PHTF2: variants seen among roughly 807,000 people sequenced by gnomAD.
PHTF2 encodes putative homeodomain transcription factor 2.
In PHTF2, 60 loss-of-function variants were observed where a neutral mutation model predicts 101.2. The ratio of observed to expected loss-of-function variants is 0.59; its 90% confidence interval spans 0.48 to 0.73. PHTF2 has a LOEUF of 0.73. Among genes scored for constraint, PHTF2 ranks in the 30% least tolerant of loss-of-function variants. PHTF2 has a pLI of 0.00. For missense variants in PHTF2, 747 were observed against 908.7 expected (o/e 0.82, Z 2.29); for synonymous variants, 311 against 307.3 (o/e 1.01, Z -0.13).
At position 77,837,319 on chromosome 7, in the gene PHTF2, C is replaced by T. The variant is rs564069129; in HGVS notation, c.-35-2902C>T. Among the ~76,000 whole-genome samples, 255 of 152,230 alleles carry T rather than the reference C, an allele frequency of 1.7e-3. 2 individuals carry two copies. Among genetic ancestry groups the T allele is most frequent in the African/African-American group, 5.9e-3 (244 of 41,548 alleles). ...CTGTATTCCTGGACTGTCATAGAAT[C>T]AAAGAAGTTGGAAAGGCTTTAGAAA... On this transcript the variant is annotated intron_variant, in intron 1 of 19. Coordinates refer to ENST00000416283, the Ensembl canonical transcript of PHTF2.
Position 77,952,198 on chromosome 7 carries a change from T to C in PHTF2, c.2211+486T>C, listed in dbSNP as rs117444731. ...TGTATTTTATCTCATAGTAACTCTT[T>C]GGGGGTAATTTAATAAAACATTTTT... On this transcript the variant is annotated intron_variant, in intron 18 of 19. Coordinates refer to ENST00000416283, the Ensembl canonical transcript of PHTF2. 2.9e-3 allele frequency among the ~76,000 whole-genome samples: 447 copies of C among 152,296 alleles called. 1 individual carries two copies. The highest frequency in any genetic ancestry group is 4.8e-3 in the Non-Finnish European group (327 of 67,998).
intron 1 of PHTF2, among the ~76,000 whole-genome samples, chr7:77,824,426 G>T (rs1173683611): frequency 6.6e-6 from 1 of 152,074 alleles, no homozygotes; most frequent in African/African-American, 2.4e-5. Flanking sequence ...TGCAGCTGTT[G>T]TTAGTTTAGA....
At chr7:77,800,372 G>A (rs975902005) in intron 1 of PHTF2, among the ~76,000 whole-genome samples, 1 of 152,208 alleles carries the variant, frequency 6.6e-6, no homozygotes, top group African/African-American at 2.4e-5. Context: ...CCCAGAAATA[G>A]CCTGCCTCCC....
intron 3 of PHTF2, among the ~76,000 whole-genome samples, chr7:77,890,830 C>T (rs1489762900): frequency 1.3e-5 from 2 of 151,038 alleles, no homozygotes; most frequent in African/African-American, 4.9e-5. Flanking sequence ...TGGTCTCGAT[C>T]TCCTGACCTT....
exon 20 of PHTF2, chr7:77,957,224 G>GAA: frequency 6.6e-6 from 1 of 151,828 alleles, no homozygotes; most frequent in South Asian, 2.1e-4. Context: ...TTCTGTGACT[G>GAA]ACGGTGTTTT....
At chr7:77,842,773 A>C (rs1795990672) in intron 2 of PHTF2, among the ~76,000 whole-genome samples, 1 of 152,172 alleles carries the variant, frequency 6.6e-6, no homozygotes, top group Admixed American at 6.5e-5. Context: ...CTAGGATTGG[A>C]TTGACTGACT....
At chr7:77,887,884 G>A (rs1800011114) in intron 3 of PHTF2, among the ~76,000 whole-genome samples, 1 of 152,114 alleles carries the variant, frequency 6.6e-6, no homozygotes, top group Non-Finnish European at 1.5e-5. Flanking sequence ...CCAGAGAAAG[G>A]ACTTCACATT....
chr7:77,837,656 G>A (rs1356716557), intron 1 of PHTF2, among the ~76,000 whole-genome samples: 1 of 151,960 alleles, frequency 6.6e-6, no homozygotes, highest in Admixed American at 6.6e-5. Context: ...AAAATATTTA[G>A]AACACTTTAT....
intron 12 of PHTF2, among the ~76,000 whole-genome samples, chr7:77,933,320 G>C (rs1163662320): frequency 6.6e-6 from 1 of 152,146 alleles, no homozygotes; most frequent in Non-Finnish European, 1.5e-5. Context: ...TGGTGGATCT[G>C]GTGGCAGTCT....
chr7:77,899,270 T>C (rs180750957), intron 5 of PHTF2, among the ~76,000 whole-genome samples: 1 of 152,044 alleles, frequency 6.6e-6, no homozygotes, highest in Admixed American at 6.5e-5. Context: ...AAGGACACTG[T>C]TTACAGTAAT....
At chr7:77,936,289 G>A (rs1805121545) in intron 12 of PHTF2, among the ~76,000 whole-genome samples, 1 of 152,114 alleles carries the variant, frequency 6.6e-6, no homozygotes, top group South Asian at 2.1e-4. Flanking sequence ...TGTACCTAGA[G>A]TAGATTCTTC....
At chr7:77,801,882 A>AT (rs1370028969) in intron 1 of PHTF2, among the ~76,000 whole-genome samples, 2 of 152,272 alleles carry the variant, frequency 1.3e-5, no homozygotes, top group Non-Finnish European at 2.9e-5. Flanking sequence ...GACTTTGAAC[A>AT]TAACACCAAA....
chr7:77,899,049 A>C (rs1801138489), intron 5 of PHTF2, among the ~76,000 whole-genome samples: 1 of 152,088 alleles, frequency 6.6e-6, no homozygotes, highest in Admixed American at 6.6e-5. Context: ...TGATCCGCCC[A>C]CCTTGGCCCC....
At chr7:77,846,679 G>A (rs1303429116) in intron 2 of PHTF2, among the ~76,000 whole-genome samples, 2 of 144,622 alleles carry the variant, frequency 1.4e-5, no homozygotes, top group African/African-American at 2.6e-5. Context: ...ATCTCGCTCT[G>A]TCACTCAGGC....
chr7:77,947,816 T>TTTC (rs1456665051), intron 16 of PHTF2, among the ~76,000 whole-genome samples: 2 of 126,854 alleles, frequency 1.6e-5, no homozygotes, highest in African/African-American at 6.3e-5. Flanking sequence ...GAAGATTTAT[T>TTTC]TTCTTTTTTC....
At chr7:77,855,364 C>T (rs1797093291) in intron 3 of PHTF2, among the ~76,000 whole-genome samples, 1 of 152,188 alleles carries the variant, frequency 6.6e-6, no homozygotes, top group Admixed American at 6.5e-5. Context: ...CTTCTTAGTC[C>T]TCCTTACTCT....
At chr7:77,911,680 G>T (rs73138459) in intron 9 of PHTF2, among the ~76,000 whole-genome samples, 3 of 151,984 alleles carry the variant, frequency 2.0e-5, no homozygotes, top group Non-Finnish European at 4.4e-5. Flanking sequence ...GCATATTTTC[G>T]TTGATTGTAA....
intron 7 of PHTF2, 140 bp from the exon 7 acceptor site, chr7:77,908,653 T>TTGTC: frequency 1.9e-6 from 1 of 527,444 alleles, no homozygotes; most frequent in East Asian, 3.2e-5. Context: ...CTGAGAGAGC[T>TTGTC]TGTCTCTATA....
intron 1 of PHTF2, among the ~76,000 whole-genome samples, chr7:77,837,882 T>C (rs1169553372): frequency 1.3e-5 from 2 of 152,128 alleles, no homozygotes; most frequent in Non-Finnish European, 2.9e-5. Flanking sequence ...AGTGATAAAA[T>C]CCTTTCACGT....
Sources: gnomAD v4.1 joint callset for allele counts (sites outside exome capture counted in the v4.1 genomes callset) on GRCh38, gnomAD v4.1.1 for gene constraint, MANE v1.5 for transcripts, NCBI Gene and HGNC (gene_info 2026-07-23, HGNC 2026-07-21) for gene names.